SACM1L: variants seen among roughly 807,000 people sequenced by gnomAD.
SACM1L encodes SAC1 like phosphatidylinositide phosphatase.
A neutral mutation model predicts 89.5 loss-of-function variants in SACM1L; 32 were observed. That is an observed-to-expected ratio of 0.36 (90% CI 0.27 to 0.48). SACM1L has a LOEUF of 0.48. Ranked by LOEUF, SACM1L falls within the 20% of genes least tolerant of loss-of-function variation. SACM1L has a pLI of 0.99. For synonymous variants in SACM1L, 213 were observed against 232.8 expected (o/e 0.92, Z 0.77); for missense variants, 543 against 708.5 (o/e 0.77, Z 2.65).
intron 13 of SACM1L, 83 bp downstream of exon 13, chr3:45,732,234 TTACAAG>T (rs1381808552): frequency 1.1e-5 from 8 of 714,646 alleles, no homozygotes; most frequent in Admixed American, 8.2e-5. Flanking sequence ...TCCAGCAGAC[TTACAAG>T]TACAGTTCAC....
chr3:45,738,206 A>C (rs940563885), intron 16 of SACM1L, among the ~76,000 whole-genome samples: 1 of 152,336 alleles, frequency 6.6e-6, no homozygotes, highest in African/African-American at 2.4e-5. Flanking sequence ...TAATGAGAAC[A>C]TTTTGAATGT....
At chr3:45,731,440 C>A in intron 12 of SACM1L, 60 bp downstream of exon 12, 2 of 1,086,042 alleles carry the variant, frequency 1.8e-6, no homozygotes, top group Non-Finnish European at 2.8e-6. Flanking sequence ...TACATATATG[C>A]ATGATTACAT....
chr3:45,713,864 C>G (rs910417459), intron 6 of SACM1L, 182 bp from the exon 7 acceptor site: 11 of 325,446 alleles, frequency 3.4e-5, no homozygotes, highest in African/African-American at 2.2e-4. Flanking sequence ...TGTGAATATT[C>G]AAGCTCAAAT....
rs751771787 is a variant in SACM1L, at chr3:45,723,556, T to C, written c.921+13T>C. On this transcript the variant is annotated intron_variant, in intron 11 of 19. Coordinates refer to ENST00000389061, the MANE Select transcript of SACM1L (RefSeq NM_014016.5). ...TATAATCAATCTGGTATGTTTCTTA[T>C]GTTTCTTGGGGGGAAAAAAAAGCCT... 22 of 1,368,500 alleles carry C rather than the reference T, an allele frequency of 1.6e-5. No individual in the cohort carries two copies. Among genetic ancestry groups the C allele is most frequent in the Middle Eastern group, 1.9e-4 (1 of 5,148 alleles). 84.8% of individuals were successfully genotyped at this position (1,368,500 alleles called of 1,614,324 possible).
intron 11 of SACM1L, among the ~76,000 whole-genome samples, chr3:45,727,121 A>G (rs1467318221): frequency 4.5e-5 from 1 of 22,146 alleles, no homozygotes. Context: ...TCCTGACCTC[A>G]TGATCCACCC....
chr3:45,706,206 G>C (rs1384536583), intron 3 of SACM1L, among the ~76,000 whole-genome samples: 1 of 152,194 alleles, frequency 6.6e-6, no homozygotes, highest in Non-Finnish European at 1.5e-5. Context: ...TGTATTTCTG[G>C]GGTGAGGAGG....
intron 1 of SACM1L, among the ~76,000 whole-genome samples, chr3:45,702,866 C>A (rs1237907125): frequency 2.0e-5 from 3 of 151,918 alleles, no homozygotes; most frequent in Non-Finnish European, 2.9e-5. Flanking sequence ...TAAAAAAACA[C>A]CCCACCTGAA....
chr3:45,709,412 C>T (rs1575393224), intron 4 of SACM1L, 86 bp from the exon 5 acceptor site: 3 of 1,239,342 alleles, frequency 2.4e-6, no homozygotes, highest in South Asian at 1.5e-5. Context: ...TGAGACTGGA[C>T]TTAACAGGAT....
At chr3:45,738,409 G>T (rs1699247700) in intron 16 of SACM1L, among the ~76,000 whole-genome samples, 169 bp from the exon 17 acceptor site, 2 of 152,166 alleles carry the variant, frequency 1.3e-5, no homozygotes, top group South Asian at 4.1e-4. Flanking sequence ...AAGAAAATAG[G>T]TATTTCTTGG....
In SACM1L at chr3:45,727,041, G is replaced by A. The variant is rs540200693; in HGVS notation, c.921+3498G>A. Reference sequence around the variant, plus strand: ...GCTGGGACTACAGGCGCCCGCCACCGCGCCCGGCTAATTTTTTGTATTTTT... The same window carrying A: ...GCTGGGACTACAGGCGCCCGCCACCACGCCCGGCTAATTTTTTGTATTTTT... On this transcript the variant is annotated intron_variant, in intron 11 of 19. Transcript: ENST00000389061. Among the ~76,000 whole-genome samples, 417 of 72,186 alleles carry A rather than the reference G, an allele frequency of 5.8e-3. 152 individuals are homozygous for A. Among genetic ancestry groups the A allele is most frequent in the Non-Finnish European group, 0.011 (352 of 32,676 alleles). 47.4% of individuals were successfully genotyped at this position (72,186 alleles called of 152,430 possible).
At chr3:45,707,555 A>T (rs749217039) in intron 4 of SACM1L, among the ~76,000 whole-genome samples, 22 of 152,202 alleles carry the variant, frequency 1.4e-4, no homozygotes, top group Non-Finnish European at 4.4e-5. Context: ...AGCATAGAAG[A>T]AGTAGCTGAC....
At chr3:45,731,231 T>C (rs1418758178) in intron 11 of SACM1L, 70 bp from the exon 12 acceptor site, 5 of 977,020 alleles carry the variant, frequency 5.1e-6, no homozygotes, top group African/African-American at 1.7e-5. Flanking sequence ...CTTCCTAGTT[T>C]GTCCTTTTTC....
chr3:45,698,629 C>T (rs1403082808), intron 1 of SACM1L, among the ~76,000 whole-genome samples: 1 of 152,234 alleles, frequency 6.6e-6, no homozygotes, highest in Non-Finnish European at 1.5e-5. Context: ...CTGCTCACTG[C>T]AACCTCCGCC....
intron 1 of SACM1L, among the ~76,000 whole-genome samples, chr3:45,692,810 T>A (rs1330652664): frequency 6.6e-6 from 1 of 152,258 alleles, no homozygotes; most frequent in African/African-American, 2.4e-5. Flanking sequence ...ACAGTGCATT[T>A]ACTTTCTCAT....
chr3:45,718,579 G>A (rs988797063), intron 7 of SACM1L, among the ~76,000 whole-genome samples: 1 of 152,098 alleles, frequency 6.6e-6, no homozygotes, highest in South Asian at 2.1e-4. Context: ...TCACAGTGTT[G>A]TGCAACCAGC....
intron 19 of SACM1L, chr3:45,742,987 A>G (rs1055748426): frequency 1.3e-5 from 2 of 152,208 alleles, no homozygotes; most frequent in Non-Finnish European, 2.9e-5. Context: ...AATGTTATTG[A>G]CTTTTGTTTT....
Position 45,712,173 on chromosome 3 carries a change from C to T in SACM1L, c.484-964C>T, listed in dbSNP as rs2673035. On this transcript the variant is annotated intron_variant, in intron 5 of 19. Coordinates refer to ENST00000389061, the MANE Select transcript of SACM1L (RefSeq NM_014016.5). ...CATTCCCTGTGACTTTTAGAGTCGGCGGTGCTGGTGGTTCAGTTGGTATGC... is the reference window on the plus strand; with the variant it reads ...CATTCCCTGTGACTTTTAGAGTCGGTGGTGCTGGTGGTTCAGTTGGTATGC... 2.1e-5 allele frequency among the ~76,000 whole-genome samples: 3 copies of T among 139,936 alleles called. No homozygotes were observed. In the South Asian group the frequency reaches 6.2e-4, roughly 29 times the overall value. 91.8% of individuals were successfully genotyped at this position (139,936 alleles called of 152,430 possible). A position where few individuals can be genotyped will look rare whatever the true frequency, so the allele number is the denominator to read the frequency against.
At chr3:45,726,559 C>T (rs1279823921) in intron 11 of SACM1L, among the ~76,000 whole-genome samples, 1 of 151,944 alleles carries the variant, frequency 6.6e-6, no homozygotes, top group Non-Finnish European at 1.5e-5. Context: ...TAGTAATGTC[C>T]ACTGTCACTC....
chr3:45,738,731 A>C, intron 17 of SACM1L, 50 bp from the exon 18 acceptor site: 1 of 1,516,078 alleles, frequency 6.6e-7, no homozygotes, highest in Non-Finnish European at 9.2e-7. Context: ...ATTGTTCATC[A>C]CTAATGTTAT....
Sources: gnomAD v4.1 joint callset for allele counts (sites outside exome capture counted in the v4.1 genomes callset) on GRCh38, gnomAD v4.1.1 for gene constraint, MANE v1.5 for transcripts, NCBI Gene and HGNC (gene_info 2026-07-23, HGNC 2026-07-21) for gene names.